The following SNTG2 variants were observed in gnomAD, a reference collection of about 807,000 sequenced individuals.
SNTG2 encodes gamma-2-syntrophin.
Under a neutral mutation model 70.9 loss-of-function variants are expected in SNTG2, and 74 were observed. That is an observed-to-expected ratio of 1.04 (90% CI 0.86 to 1.27). SNTG2 has a LOEUF of 1.27. Ranked by LOEUF, SNTG2 falls within the 50% of genes most tolerant of loss-of-function variation. The pLI is 0.00. For synonymous variants in SNTG2, 278 were observed against 273.8 expected, an observed-to-expected ratio of 1.02 and a Z score of -0.15; for missense variants, 717 against 690.7, an observed-to-expected ratio of 1.04 and a Z score of -0.43.
intron 9 of SNTG2, among the ~76,000 whole-genome samples, chr2:1,220,433 T>C (rs1674677482): frequency 6.6e-6 from 1 of 152,128 alleles, no homozygotes; most frequent in African/African-American, 2.4e-5. Context: ...GGGACCTTTG[T>C]GGTTGGACGG....
chr2:1,292,501 GAT>G (rs1175973578), intron 14 of SNTG2, among the ~76,000 whole-genome samples: 19 of 152,086 alleles, frequency 1.2e-4, no homozygotes, highest in African/African-American at 4.6e-4. Flanking sequence ...AGGCCTTTAT[GAT>G]GTTGAGATAT....
chr2:1,367,572 C>A lies in SNTG2; in HGVS notation c.*98C>A. Reference sequence around the variant, plus strand: ...AACTTTGTGTTGTTTTATGATGAGCCTATAGTTGTGATACCAATAAAACAT... The same window carrying A: ...AACTTTGTGTTGTTTTATGATGAGCATATAGTTGTGATACCAATAAAACAT... On this transcript the variant is annotated 3_prime_UTR_variant, in exon 17 of 17. Coordinates refer to ENST00000308624, the MANE Select transcript of SNTG2 (RefSeq NM_018968.4). The A allele has an allele frequency of 7.1e-7, 1 of 1,401,718 alleles. No individual in the cohort carries two copies. Among genetic ancestry groups the A allele is most frequent in the Non-Finnish European group, 9.6e-7 (1 of 1,041,970 alleles). The allele number at this position is 1,401,718 out of a possible 1,614,324, so 86.8% of individuals were successfully genotyped here. A position where few individuals can be genotyped will look rare whatever the true frequency, so the allele number is the denominator to read the frequency against.
At chr2:1,061,216 T>A (rs566802496) in intron 1 of SNTG2, among the ~76,000 whole-genome samples, 1 of 151,764 alleles carries the variant, frequency 6.6e-6, no homozygotes, top group Admixed American at 6.6e-5. Context: ...GTGAACAGGT[T>A]AAAGAGATGT....
chr2:1,242,552 T>C (rs762570890), intron 11 of SNTG2, among the ~76,000 whole-genome samples: 14 of 152,200 alleles, frequency 9.2e-5, no homozygotes, highest in Non-Finnish European at 1.3e-4. Flanking sequence ...ATTACCAAGA[T>C]AACTGCAAAC....
At chr2:1,149,631 T>A in intron 6 of SNTG2, among the ~76,000 whole-genome samples, 1 of 151,838 alleles carries the variant, frequency 6.6e-6, no homozygotes, top group East Asian at 1.9e-4. Flanking sequence ...GTGGTAACAT[T>A]ATTCCTACCC....
At position 1,308,582 on chromosome 2, in the gene SNTG2, C is replaced by T. The variant is rs995169855; in HGVS notation, c.1373C>T (p.Thr458Ile). 4 of 1,551,570 alleles carry T rather than the reference C, an allele frequency of 2.6e-6. No individual in the cohort carries two copies. Among genetic ancestry groups the T allele is most frequent in the Non-Finnish European group, 3.5e-6 (4 of 1,146,880 alleles). Reference protein sequence around the residue: ...ALGFTCFESKTKNVLWRFKFS... With the variant: ...ALGFTCFESKIKNVLWRFKFS... Reference sequence around the variant, plus strand: ...GGATTTACCTGTTTTGAGAGTAAGACCAAGGTAAGAGGCCAAGCAGGCATC... The same window carrying T: ...GGATTTACCTGTTTTGAGAGTAAGATCAAGGTAAGAGGCCAAGCAGGCATC... Residue 458 changes from threonine to isoleucine, a missense_variant, in exon 15 of 17, where the codon ACC becomes ATC. Physicochemically the swap from Thr to Ile is moderately conservative, Grantham distance 89. Coordinates refer to ENST00000308624, the MANE Select transcript of SNTG2 (RefSeq NM_018968.4).
intron 1 of SNTG2, among the ~76,000 whole-genome samples, chr2:1,037,536 A>G (rs562675777): frequency 6.6e-6 from 1 of 151,946 alleles, no homozygotes; most frequent in Non-Finnish European, 1.5e-5. Context: ...GCCACCAGGG[A>G]CCTGCTTTTT....
intron 1 of SNTG2, among the ~76,000 whole-genome samples, chr2:965,389 C>T (rs1318013891): frequency 2.0e-5 from 3 of 150,246 alleles, no homozygotes; most frequent in Admixed American, 2.0e-4. Flanking sequence ...GGTCCCCAGT[C>T]CTCCTCCTTG....
At chr2:964,196 A>G (rs1430252434) in intron 1 of SNTG2, among the ~76,000 whole-genome samples, 1 of 152,204 alleles carries the variant, frequency 6.6e-6, no homozygotes, top group Non-Finnish European at 1.5e-5. Context: ...CTAACTTTTT[A>G]GAAAGAGAGC....
At chr2:1,309,299 T>C (rs1290330964) in intron 15 of SNTG2, among the ~76,000 whole-genome samples, 2 of 152,256 alleles carry the variant, frequency 1.3e-5, no homozygotes, top group Non-Finnish European at 1.5e-5. Context: ...CTAACTTCTG[T>C]GTTCGAGAAC....
chr2:1,261,423 TTTG>T (rs1412256973), intron 13 of SNTG2, among the ~76,000 whole-genome samples: 1 of 152,200 alleles, frequency 6.6e-6, no homozygotes, highest in Non-Finnish European at 1.5e-5. Flanking sequence ...AAGTTGTGAT[TTTG>T]TTTTTTCTCT....
intron 9 of SNTG2, among the ~76,000 whole-genome samples, chr2:1,228,363 G>T (rs1303448771): frequency 1.3e-5 from 2 of 152,190 alleles, no homozygotes; most frequent in Non-Finnish European, 2.9e-5. Context: ...GTTCCCTGCT[G>T]GGGGGAGGAG....
chr2:1,236,023 C>T (rs1676631790), intron 9 of SNTG2, among the ~76,000 whole-genome samples: 1 of 152,082 alleles, frequency 6.6e-6, no homozygotes, highest in African/African-American at 2.4e-5. Context: ...TGTGGGGAGC[C>T]AGGGAACTTG....
intron 4 of SNTG2, among the ~76,000 whole-genome samples, chr2:1,136,934 C>T (rs1031663888): frequency 6.6e-6 from 1 of 152,192 alleles, no homozygotes; most frequent in African/African-American, 2.4e-5. Context: ...AGGGGAAATG[C>T]TAAGTGGCTG....
chr2:1,341,422 G>A (rs1397696763), intron 16 of SNTG2: 3 of 152,222 alleles, frequency 2.0e-5, no homozygotes, highest in Admixed American at 6.5e-5. Flanking sequence ...CTCACAGAAA[G>A]GAGGAGTGGG....
At chr2:1,228,151 T>TC (rs1675922568) in intron 9 of SNTG2, among the ~76,000 whole-genome samples, 1 of 152,206 alleles carries the variant, frequency 6.6e-6, no homozygotes, top group Admixed American at 6.5e-5. Context: ...CCCTGTGACC[T>TC]CCCAGCGTGG....
intron 6 of SNTG2, among the ~76,000 whole-genome samples, chr2:1,156,309 G>A (rs1386272656): frequency 6.6e-6 from 1 of 152,110 alleles, no homozygotes; most frequent in Admixed American, 6.6e-5. Context: ...TCTTTTGTTG[G>A]GGGGGATGGG....
At chr2:1,172,024 A>T (rs1671160463) in intron 7 of SNTG2, among the ~76,000 whole-genome samples, 1 of 152,156 alleles carries the variant, frequency 6.6e-6, no homozygotes, top group African/African-American at 2.4e-5. Flanking sequence ...CATCCCAAAT[A>T]CAAATGCATG....
intron 2 of SNTG2, among the ~76,000 whole-genome samples, chr2:1,086,389 A>C (rs774981803): frequency 6.6e-6 from 1 of 152,334 alleles, no homozygotes; most frequent in South Asian, 2.1e-4. Flanking sequence ...GAACTTGAAA[A>C]ACAATCTGTC....
Sources: allele counts gnomAD v4.1 joint callset (sites outside exome capture counted in the v4.1 genomes callset), GRCh38; gene constraint gnomAD v4.1.1; transcripts MANE v1.5; gene names NCBI Gene and HGNC (gene_info 2026-07-23, HGNC 2026-07-21).